DST: variants seen among roughly 807,000 people sequenced by gnomAD.
The protein encoded by DST is dystonin.
In DST, 253 loss-of-function variants were observed where a neutral mutation model predicts 875.2. That is an observed-to-expected ratio of 0.29 (90% CI 0.26 to 0.32). The LOEUF (loss-of-function observed/expected upper bound fraction) is 0.32. Ranked by LOEUF, DST falls within the 10% of genes least tolerant of loss-of-function variation. The pLI is 1.00. For synonymous variants in DST, 3,124 were observed against 3,197.1 expected, an observed-to-expected ratio of 0.98 and a Z score of 0.77; for missense variants, 8,287 against 9,111.6, an observed-to-expected ratio of 0.91 and a Z score of 3.68.
At chr6:56,827,086 A>C (rs1045258558) in intron 4 of DST, among the ~76,000 whole-genome samples, 2 of 152,224 alleles carry the variant, frequency 1.3e-5, no homozygotes, top group Admixed American at 1.3e-4. Context: ...TCTCCGATTA[A>C]CTAATGGCCT....
At chr6:56,487,389 T>TA in intron 86 of DST, 116 bp from the exon 87 acceptor site, 1 of 926,692 alleles carries the variant, frequency 1.1e-6, no homozygotes, top group Middle Eastern at 2.4e-4. Context: ...CTTTCTGACT[T>TA]ATAATGACTT....
intron 4 of DST, among the ~76,000 whole-genome samples, chr6:56,736,007 C>T (rs1389779756): frequency 4.0e-5 from 6 of 151,882 alleles, no homozygotes; most frequent in Non-Finnish European, 8.8e-5. Flanking sequence ...TACAGGTATG[C>T]GCCACCATAC....
In DST at chr6:56,627,261, T is replaced by C. The variant is rs1430792369; in HGVS notation, c.4665A>G (p.Lys1555=). 6.2e-7 allele frequency: 1 copy of C among 1,612,914 alleles called. No homozygotes were observed. The highest frequency in any genetic ancestry group is 1.6e-4 in the Middle Eastern group (1 of 6,062). Reference sequence around the variant, plus strand: ...TTTGACACTCGTCCATTTTGCTCTGTTTCATTTCTATTTCGGACACCAGCA... The same window carrying C: ...TTTGACACTCGTCCATTTTGCTCTGCTTCATTTCTATTTCGGACACCAGCA... ...QKMLVSEIEM[K]QSKMDECQKY... The change falls in exon 34 of 104, where the codon AAA becomes AAG. Residue 1555 remains lysine (K), a synonymous_variant. Transcript: ENST00000680361.
Position 56,503,594 on chromosome 6 carries a change from TAC to T in DST, c.19566+401_19566+402del, listed in dbSNP as rs10637850. ...ATACATCTCTCTCTCTACCTATACA[TAC>T]ACACACACACACACACACACACACA... On this transcript the variant is annotated intron_variant, in intron 78 of 103. Coordinates refer to ENST00000680361, the MANE Select transcript of DST (RefSeq NM_001374736.1). Among the ~76,000 whole-genome samples the T allele has an allele frequency of 8.0e-3, 1,133 of 140,882 alleles. 5 individuals are homozygous for T. The highest frequency in any genetic ancestry group is 0.014 in the Middle Eastern group (4 of 284). 92.4% of individuals were successfully genotyped at this position (140,882 alleles called of 152,430 possible).
At chr6:56,684,439 A>T (rs2099170694) in intron 9 of DST, among the ~76,000 whole-genome samples, 1 of 152,258 alleles carries the variant, frequency 6.6e-6, no homozygotes, top group Non-Finnish European at 1.5e-5. Flanking sequence ...AAAGTTATAT[A>T]ATGAAGATTA....
Position 56,585,020 on chromosome 6 carries a change from A to G in DST, c.12904-6083T>C, listed in dbSNP as rs1259498817. 2.0e-5 allele frequency among the ~76,000 whole-genome samples: 3 copies of G among 151,962 alleles called. No individual in the cohort carries two copies. The East Asian group carries it at 5.8e-4, about 29-fold the overall frequency. ...CCAGTATTTTATTGAGGATTTTTGC[A>G]TCAATGTTCATCAAGGATATTGGTC... On this transcript the variant is annotated intron_variant, in intron 49 of 103. Transcript: ENST00000680361.
intron 2 of DST, among the ~76,000 whole-genome samples, chr6:56,912,132 C>T (rs921870028): frequency 2.0e-5 from 3 of 152,204 alleles, no homozygotes; most frequent in Non-Finnish European, 4.4e-5. Flanking sequence ...TTTGCCCCAA[C>T]AAATTCTGGG....
chr6:56,669,817 A>C (rs1308074949), intron 10 of DST, among the ~76,000 whole-genome samples: 2 of 152,130 alleles, frequency 1.3e-5, no homozygotes, highest in African/African-American at 4.8e-5. Context: ...GTGAGGAGAA[A>C]ATGAATTAAT....
At chr6:56,652,799 A>T (rs2098984039) in intron 10 of DST, among the ~76,000 whole-genome samples, 1 of 152,100 alleles carries the variant, frequency 6.6e-6, no homozygotes, top group African/African-American at 2.4e-5. Flanking sequence ...CAATATGACC[A>T]CTCTTTTAAA....
At chr6:56,646,222 A>G (rs1289815214) in intron 13 of DST, 40 bp from the exon 14 acceptor site, 1 of 1,185,728 alleles carries the variant, frequency 8.4e-7, no homozygotes, top group South Asian at 1.5e-5. Context: ...CCAAACTTAA[A>G]AGATCTGTTT....
At chr6:56,940,361 C>G (rs1314114562) in intron 2 of DST, among the ~76,000 whole-genome samples, 1 of 151,824 alleles carries the variant, frequency 6.6e-6, no homozygotes, top group African/African-American at 2.4e-5. Context: ...TAAATTGCAC[C>G]CATCTAAAGC....
chr6:56,668,403 A>G lies in DST; in HGVS notation c.1214+2238T>C, dbSNP rs371811559. ...CACCTCTATTTAAATGTTGTTCCAC[A>G]AAGGAAGGATACAATTATAGTATTT... On this transcript the variant is annotated intron_variant, in intron 10 of 103. Coordinates refer to ENST00000680361, the MANE Select transcript of DST (RefSeq NM_001374736.1). Among the ~76,000 whole-genome samples, 18 of 152,230 alleles carry G rather than the reference A, an allele frequency of 1.2e-4. No individual in the cohort carries two copies. The East Asian group carries it at 3.3e-3, about 28-fold the overall frequency.
chr6:56,713,401 A>AACAC lies in DST; in HGVS notation c.688-9036_688-9033dup, dbSNP rs140642046. Among the ~76,000 whole-genome samples, 94 of 151,686 alleles carry AACAC rather than the reference A, an allele frequency of 6.2e-4. 2 individuals carry two copies. In the East Asian group the frequency reaches 0.017, roughly 27 times the overall value. ...TTGTCAATGCCTGACCTATAATCTC[A>AACAC]ACACACACACACACACAATCAAAGA... On this transcript the variant is annotated intron_variant, in intron 5 of 103. Transcript: ENST00000680361.
chr6:56,745,347 G>T (rs1408222264), intron 4 of DST, among the ~76,000 whole-genome samples: 2 of 152,102 alleles, frequency 1.3e-5, no homozygotes, highest in Admixed American at 6.5e-5. Context: ...CATGTACAAA[G>T]AAATATTGTA....
intron 61 of DST, among the ~76,000 whole-genome samples, chr6:56,543,928 A>G (rs1004690654): frequency 6.6e-6 from 1 of 151,142 alleles, no homozygotes; most frequent in Non-Finnish European, 1.5e-5. Flanking sequence ...TTCAACAATT[A>G]TTAGATTATT....
At chr6:56,728,419 G>A (rs1282718033) in intron 5 of DST, among the ~76,000 whole-genome samples, 1 of 152,114 alleles carries the variant, frequency 6.6e-6, no homozygotes, top group Non-Finnish European at 1.5e-5. Context: ...ATTAAAGCAG[G>A]TTGGCAGGAC....
At chr6:56,541,065 C>T (rs929880809) in intron 61 of DST, 2 of 152,602 alleles carry the variant, frequency 1.3e-5, no homozygotes, top group African/African-American at 4.8e-5. Context: ...CACTTGCTGG[C>T]CTTGGTAACA....
chr6:56,634,477 A>T lies in DST; in HGVS notation c.3479T>A (p.Val1160Glu), dbSNP rs752140140. 2 of 1,614,174 alleles carry T rather than the reference A, an allele frequency of 1.2e-6. No individual in the cohort carries two copies. The highest frequency in any genetic ancestry group is 1.6e-4 in the Middle Eastern group (1 of 6,062). The change falls in exon 26 of 104, where the codon GTG becomes GAG. Residue 1160 changes from valine to glutamate, a missense_variant. Physicochemically the swap from Val to Glu is moderately radical, Grantham distance 121. Around this residue, in one of 10 missense-constraint regions of DST, gnomAD observed 1,160 missense variants for 1,424.3 expected, o/e 0.81. Transcript: ENST00000680361. ...FTVPPPNKEAVDLANRIEQQY... is the reference protein window; with the variant it reads ...FTVPPPNKEAEDLANRIEQQY... ...ATATACAAACCTGTTGGCAAGGTCC[A>T]CCGCTTCTTTGTTTGGTGGAGGAAC...
In DST at chr6:56,650,782, A is replaced by C. The variant is rs955982755; in HGVS notation, c.1434+144T>G. ...AGAATAATGTCATGAAATACATAGA[A>C]TATCAATTCATCAAACAGCATATTA... On this transcript the variant is annotated intron_variant, in intron 12 of 103. Coordinates refer to ENST00000680361, the MANE Select transcript of DST (RefSeq NM_001374736.1). The C allele has an allele frequency of 1.5e-5, 8 of 551,660 alleles. No homozygotes were observed. The East Asian group carries it at 2.4e-4, about 17-fold the overall frequency. The allele number at this position is 551,660 out of a possible 1,614,324, so 34.2% of individuals were successfully genotyped here. A position where few individuals can be genotyped will look rare whatever the true frequency, so the allele number is the denominator to read the frequency against.
Sources: allele counts gnomAD v4.1 joint callset (sites outside exome capture counted in the v4.1 genomes callset), GRCh38; gene constraint gnomAD v4.1.1; regional missense constraint gnomAD v4.1.1; transcripts MANE v1.5; gene names NCBI Gene and HGNC (gene_info 2026-07-23, HGNC 2026-07-21).